Variants in ZNF512 observed in about 807,000 individuals in gnomAD.
The protein encoded by ZNF512 is zinc finger protein 512.
Under a neutral mutation model 77.5 loss-of-function variants are expected in ZNF512, and 25 were observed. The observed-to-expected ratio is 0.32, with a 90% CI of 0.23 to 0.45. The LOEUF is 0.45. ZNF512 is among the 20% of genes least tolerant of loss of function. The pLI is 1.00. For missense variants in ZNF512, 483 were observed against 692.6 expected, an observed-to-expected ratio of 0.70 and a Z score of 3.40; for synonymous variants, 246 against 239.9, an observed-to-expected ratio of 1.03 and a Z score of -0.24.
At chr2:27,586,506 AG>A (rs112183930) in intron 2 of ZNF512, among the ~76,000 whole-genome samples, 11,393 of 152,198 alleles carry the variant, frequency 0.075, 1,459 homozygotes, top group African/African-American at 0.26. Flanking sequence ...CTAGGATTAC[AG>A]GCATGAGCCA....
intron 13 of ZNF512, 32 bp from the exon 14 acceptor site, chr2:27,621,121 G>A (rs1572940959): frequency 3.1e-6 from 5 of 1,593,348 alleles, no homozygotes; most frequent in East Asian, 2.2e-5. Context: ...CTATATTTTC[G>A]ACTGGATGAC....
chr2:27,618,771 G>A (rs1404632195), intron 13 of ZNF512, among the ~76,000 whole-genome samples: 1 of 152,144 alleles, frequency 6.6e-6, no homozygotes, highest in African/African-American at 2.4e-5. Flanking sequence ...CTTGGGGAAG[G>A]TTTTTTAGTA....
chr2:27,610,574 T>A (rs1324671413), intron 10 of ZNF512, among the ~76,000 whole-genome samples: 1,119 of 29,008 alleles, frequency 0.039, 69 homozygotes, highest in African/African-American at 0.14. Context: ...ATATATTTTT[T>A]TTTTTTTTTT....
rs746869840 is a variant in ZNF512 at position 27,602,444 on chromosome 2, T to G, written c.670-19T>G. Reference sequence around the variant, plus strand: ...CTTTTCCATGAATCATCTTCTTGTTTACTTCTCTTGATTTCTAGCCCATTT... The same window carrying G: ...CTTTTCCATGAATCATCTTCTTGTTGACTTCTCTTGATTTCTAGCCCATTT... On this transcript the variant is annotated intron_variant, in intron 7 of 13. Transcript: ENST00000355467. 37 of 1,605,798 alleles carry G rather than the reference T, an allele frequency of 2.3e-5. No individual in the cohort carries two copies. The highest frequency in any genetic ancestry group is 3.1e-5 in the Non-Finnish European group (37 of 1,176,026).
In ZNF512 at chr2:27,616,285, T is replaced by C; in HGVS notation, c.1257T>C (p.Ser419=). 1.2e-6 allele frequency: 2 copies of C among 1,614,142 alleles called. No individual in the cohort carries two copies. Among genetic ancestry groups the C allele is most frequent in the Non-Finnish European group, 1.7e-6 (2 of 1,179,942 alleles). ...PNQGCEAVYS[S]VSGLKAHLGS... Reference sequence around the variant, plus strand: ...AGGGCTGTGAGGCTGTCTACAGCAGTGTATCTGGCCTTAAAGCTCACCTGG... The same window carrying C: ...AGGGCTGTGAGGCTGTCTACAGCAGCGTATCTGGCCTTAAAGCTCACCTGG... Residue 419 remains serine, a synonymous_variant, in exon 12 of 14, where the codon AGT becomes AGC. Coordinates refer to ENST00000355467, the MANE Select transcript of ZNF512 (RefSeq NM_032434.4).
intron 2 of ZNF512, among the ~76,000 whole-genome samples, chr2:27,595,000 G>A (rs907529810): frequency 5.3e-5 from 8 of 152,276 alleles, no homozygotes; most frequent in South Asian, 2.1e-4. Flanking sequence ...GTGGCGGCGC[G>A]TGCCTGCAAT....
intron 6 of ZNF512, 141 bp from the exon 7 acceptor site, chr2:27,601,215 T>G: frequency 3.2e-6 from 2 of 626,762 alleles, no homozygotes; most frequent in Non-Finnish European, 5.3e-6. Flanking sequence ...GACATGACAC[T>G]GAGTTTCTGG....
chr2:27,587,510 T>G (rs1671387283), intron 2 of ZNF512, among the ~76,000 whole-genome samples: 1 of 151,178 alleles, frequency 6.6e-6, no homozygotes, highest in African/African-American at 2.4e-5. Context: ...CTCCTGACCT[T>G]AAGTGTTCTG....
At chr2:27,584,158 A>T (rs1207200489) in intron 2 of ZNF512, among the ~76,000 whole-genome samples, 5 of 151,846 alleles carry the variant, frequency 3.3e-5, no homozygotes, top group Admixed American at 6.6e-5. Flanking sequence ...GTCTAAGTCT[A>T]GTGTGTGGGA....
chr2:27,597,804 T>G (rs1295259379), intron 2 of ZNF512, among the ~76,000 whole-genome samples: 1 of 152,200 alleles, frequency 6.6e-6, no homozygotes, highest in Non-Finnish European at 1.5e-5. Flanking sequence ...ATTAGATGAA[T>G]CTAGGAAGGA....
intron 7 of ZNF512, among the ~76,000 whole-genome samples, chr2:27,602,073 T>C (rs7604798): frequency 0.58 from 88,605 of 152,178 alleles, 26,620 homozygotes; most frequent in East Asian, 0.85. Flanking sequence ...CGTGAGCCAC[T>C]GCGCCCGGCC....
intron 10 of ZNF512, among the ~76,000 whole-genome samples, chr2:27,611,748 A>G (rs13405762): frequency 8.2e-5 from 12 of 146,864 alleles, no homozygotes; most frequent in African/African-American, 2.5e-4. Flanking sequence ...CCCAGGCTGG[A>G]GTGCATTGGC....
intron 2 of ZNF512, among the ~76,000 whole-genome samples, chr2:27,589,385 G>A (rs6760250): frequency 0.28 from 42,034 of 151,986 alleles, 6,361 homozygotes; most frequent in East Asian, 0.49. Context: ...CCATTGATTA[G>A]CATAAAGTTA....
At chr2:27,610,616 T>C (rs1302396121) in intron 10 of ZNF512, among the ~76,000 whole-genome samples, 2 of 121,506 alleles carry the variant, frequency 1.6e-5, no homozygotes, top group Non-Finnish European at 3.3e-5. Context: ...AGCGTCTAGC[T>C]CTGTCACCCA....
intron 10 of ZNF512, among the ~76,000 whole-genome samples, chr2:27,609,745 C>T (rs1394622968): frequency 2.6e-5 from 4 of 151,912 alleles, no homozygotes; most frequent in South Asian, 2.1e-4. Flanking sequence ...GGCGAGTGCC[C>T]GTAATCCCAG....
intron 9 of ZNF512, among the ~76,000 whole-genome samples, chr2:27,604,050 C>T (rs1672251233): frequency 6.6e-6 from 1 of 152,126 alleles, no homozygotes; most frequent in Non-Finnish European, 1.5e-5. Context: ...CTTCAGCTTC[C>T]CGAGTAGCTG....
At chr2:27,594,897 G>C (rs930578806) in intron 2 of ZNF512, among the ~76,000 whole-genome samples, 2 of 152,242 alleles carry the variant, frequency 1.3e-5, no homozygotes, top group Non-Finnish European at 2.9e-5. Flanking sequence ...GGGAGGCGGA[G>C]GCGAGCAGAT....
intron 10 of ZNF512, 73 bp from the exon 11 acceptor site, chr2:27,615,095 G>C: frequency 1.2e-6 from 1 of 835,060 alleles, no homozygotes; most frequent in South Asian, 1.6e-5. Flanking sequence ...CTAAAGAGTT[G>C]GGTGTGAAAC....
intron 2 of ZNF512, among the ~76,000 whole-genome samples, chr2:27,595,098 C>T (rs1222939431): frequency 2.0e-5 from 3 of 152,106 alleles, no homozygotes; most frequent in Non-Finnish European, 4.4e-5. Context: ...CAGTATGGTC[C>T]AGCCTTGGCA....
Sources: gnomAD v4.1 joint callset for allele counts (sites outside exome capture counted in the v4.1 genomes callset) on GRCh38, gnomAD v4.1.1 for gene constraint, MANE v1.5 for transcripts, NCBI Gene and HGNC (gene_info 2026-07-23, HGNC 2026-07-21) for gene names.